The following FYB2 variants were observed in gnomAD, a reference collection of about 807,000 sequenced individuals.
FYB2 encodes the protein FYN binding protein 2, also known as FYN-binding protein 2.
Under a neutral mutation model 94.1 loss-of-function variants are expected in FYB2, and 103 were observed. The observed-to-expected ratio is 1.09, with a 90% CI of 0.93 to 1.29. The LOEUF (loss-of-function observed/expected upper bound fraction) is 1.29. FYB2 is among the 50% of genes most tolerant of loss of function. The probability of loss-of-function intolerance (pLI) is 0.00; values close to 1 mark genes in which losing one functional copy is unlikely to be tolerated. For synonymous variants in FYB2, 293 were observed against 287.9 expected (o/e 1.02, Z -0.18); for missense variants, 896 against 841.5 (o/e 1.06, Z -0.80).
At chr1:56,811,755 C>T (rs1025326315) in intron 1 of FYB2, among the ~76,000 whole-genome samples, 1 of 144,812 alleles carries the variant, frequency 6.9e-6, no homozygotes, top group South Asian at 2.4e-4. Flanking sequence ...TTGTAATGGA[C>T]CAAACAAACA....
At position 56,726,541 on chromosome 1, in the gene FYB2, T is replaced by G. The variant is rs768092455; in HGVS notation, c.1836A>C (p.Thr612=). Residue 612 remains threonine (T), a synonymous_variant, in exon 16 of 20, where the codon ACA becomes ACC. Coordinates refer to ENST00000343433, the MANE Select transcript of FYB2 (RefSeq NM_001004303.5). ...KLKMWKPKFL[T]PKEKKEKNGA... ...CGTTTTTCTCTTTTTTTTCCTTTGG[T>G]GTCAGAAACTTGGGCTTCCACATTT... 1.2e-6 allele frequency: 2 copies of G among 1,612,414 alleles called. No individual in the cohort carries two copies. The highest frequency in any genetic ancestry group is 1.7e-6 in the Non-Finnish European group (2 of 1,179,010).
At chr1:56,741,944 A>G (rs574303945) in intron 12 of FYB2, among the ~76,000 whole-genome samples, 18 of 152,206 alleles carry the variant, frequency 1.2e-4, no homozygotes, top group African/African-American at 3.6e-4. Flanking sequence ...TTGATAGTAT[A>G]TGATTGTACA....
chr1:56,794,233 A>G (rs1646342659), intron 1 of FYB2, among the ~76,000 whole-genome samples: 1 of 152,158 alleles, frequency 6.6e-6, no homozygotes, highest in South Asian at 2.1e-4. Context: ...GGGTTTATAC[A>G]GTGAGTTGAT....
intron 12 of FYB2, 105 bp downstream of exon 12, chr1:56,742,056 G>T: frequency 1.2e-6 from 1 of 823,264 alleles, no homozygotes; most frequent in South Asian, 1.6e-5. Context: ...AGTCGGGGGT[G>T]GCAGTGGGGC....
intron 1 of FYB2, 125 bp downstream of exon 1, chr1:56,819,157 A>G: frequency 1.7e-6 from 2 of 1,161,310 alleles, no homozygotes; most frequent in Non-Finnish European, 2.5e-6. Context: ...GACACCTGAC[A>G]TGTTTATTCC....
At chr1:56,732,453 C>G (rs1365208942) in intron 15 of FYB2, among the ~76,000 whole-genome samples, 1 of 152,128 alleles carries the variant, frequency 6.6e-6, no homozygotes, top group Non-Finnish European at 1.5e-5. Flanking sequence ...ATACCAATGC[C>G]TTTCTTCACA....
chr1:56,801,874 C>G (rs958306962), intron 1 of FYB2, among the ~76,000 whole-genome samples: 2 of 152,178 alleles, frequency 1.3e-5, no homozygotes, highest in Non-Finnish European at 2.9e-5. Flanking sequence ...TGAAATGTGC[C>G]TAGAACTCTA....
intron 9 of FYB2, among the ~76,000 whole-genome samples, chr1:56,749,557 G>T (rs1254886266): frequency 1.3e-5 from 2 of 151,486 alleles, no homozygotes; most frequent in Non-Finnish European, 2.9e-5. Context: ...TTAAAATATG[G>T]CTATTCTCTA....
chr1:56,796,298 G>A (rs1646395392), intron 1 of FYB2, among the ~76,000 whole-genome samples: 1 of 152,120 alleles, frequency 6.6e-6, no homozygotes, highest in South Asian at 2.1e-4. Context: ...CAGGTTTGAG[G>A]ACATGAGGAA....
chr1:56,804,024 C>T (rs1413278880), intron 1 of FYB2, among the ~76,000 whole-genome samples: 1 of 152,168 alleles, frequency 6.6e-6, no homozygotes, highest in Non-Finnish European at 1.5e-5. Flanking sequence ...TCCGAGGAGT[C>T]CATATTTTAT....
upstream of FYB2, among the ~76,000 whole-genome samples, chr1:56,820,237 A>AC (rs1195143419): frequency 6.6e-6 from 1 of 151,848 alleles, no homozygotes; most frequent in African/African-American, 2.4e-5. Flanking sequence ...AAAAAAAAAA[A>AC]AAAAAGTGAG....
At chr1:56,758,287 C>T (rs1221985446) in intron 6 of FYB2, among the ~76,000 whole-genome samples, 2 of 151,916 alleles carry the variant, frequency 1.3e-5, no homozygotes, top group Non-Finnish European at 2.9e-5. Flanking sequence ...TTGAGGCCAG[C>T]AGTGATTCTG....
intron 1 of FYB2, among the ~76,000 whole-genome samples, chr1:56,798,282 A>T (rs1646445339): frequency 6.6e-6 from 1 of 152,224 alleles, no homozygotes; most frequent in African/African-American, 2.4e-5. Context: ...AGCCCTGGAA[A>T]ATAGCCTGGT....
chr1:56,760,166 TG>T (rs1027141537), intron 5 of FYB2, among the ~76,000 whole-genome samples: 1 of 152,010 alleles, frequency 6.6e-6, no homozygotes, highest in Non-Finnish European at 1.5e-5. Context: ...TAAAATTGCT[TG>T]GTTGGTTTTC....
intron 15 of FYB2, among the ~76,000 whole-genome samples, chr1:56,733,490 G>T (rs1644759096): frequency 6.6e-6 from 1 of 151,930 alleles, no homozygotes. Context: ...GAATTTGTTT[G>T]CTCTTGTTTC....
chr1:56,733,573 G>A (rs1037401203), intron 15 of FYB2, among the ~76,000 whole-genome samples: 5 of 152,084 alleles, frequency 3.3e-5, no homozygotes, highest in Middle Eastern at 3.4e-3. Context: ...GGCATTTAGT[G>A]GTATAAATTT....
chr1:56,821,956 ATAT>A (rs1261385663), upstream of FYB2, among the ~76,000 whole-genome samples: 1 of 152,182 alleles, frequency 6.6e-6, no homozygotes, highest in Non-Finnish European at 1.5e-5. Flanking sequence ...TTATGAATAA[ATAT>A]TTCAATTCAG....
intron 6 of FYB2, among the ~76,000 whole-genome samples, chr1:56,757,686 CCTT>C (rs1645371895): frequency 1.1e-4 from 7 of 64,034 alleles, no homozygotes; most frequent in South Asian, 8.1e-4. Context: ...TTCCTTCCTT[CCTT>C]CTTTCTTTCT....
intron 1 of FYB2, among the ~76,000 whole-genome samples, chr1:56,812,147 TTATTC>T (rs1646782476): frequency 6.6e-6 from 1 of 152,198 alleles, no homozygotes; most frequent in African/African-American, 2.4e-5. Context: ...TTCAAATACA[TTATTC>T]TATATAATTT....
Sources: gnomAD v4.1 joint callset for allele counts (sites outside exome capture counted in the v4.1 genomes callset) on GRCh38, gnomAD v4.1.1 for gene constraint, MANE v1.5 for transcripts, NCBI Gene and HGNC (gene_info 2026-07-23, HGNC 2026-07-21) for gene names.